The following CYBRD1 variants were observed in gnomAD, a reference collection of about 807,000 sequenced individuals.
CYBRD1 encodes cytochrome b reductase 1.
In CYBRD1, 14 loss-of-function variants were observed where a neutral mutation model predicts 21.9. That is an observed-to-expected ratio of 0.64 (90% CI 0.42 to 1.00). CYBRD1 has a LOEUF of 1.00. CYBRD1 is among the 50% of genes least tolerant of loss of function. The probability of loss-of-function intolerance (pLI) is 0.00; values close to 1 mark genes in which losing one functional copy is unlikely to be tolerated. For missense variants in CYBRD1, 328 were observed against 352.5 expected (o/e 0.93, Z 0.56); for synonymous variants, 146 against 136.5 (o/e 1.07, Z -0.48).
Position 171,557,263 on chromosome 2 carries a change from A to G in CYBRD1, c.*2436A>G, listed in dbSNP as rs182091974. The G allele has an allele frequency of 3.3e-3, 504 of 152,322 alleles. 6 individuals are homozygous for G. The highest frequency in any genetic ancestry group is 0.011 in the African/African-American group (476 of 41,566). 9.4% of individuals were successfully genotyped at this position (152,322 alleles called of 1,614,324 possible). ...TACCTAAGCATCTCCCGAGAAAAAT[A>G]TCTCATTAAAAAGCCCATAAATAAT... On this transcript the variant is annotated 3_prime_UTR_variant, in exon 4 of 4. Coordinates refer to ENST00000321348, the MANE Select transcript of CYBRD1 (RefSeq NM_024843.4).
At chr2:171,540,147 C>A (rs1434485107) in intron 1 of CYBRD1, among the ~76,000 whole-genome samples, 1 of 152,198 alleles carries the variant, frequency 6.6e-6, no homozygotes, top group Non-Finnish European at 1.5e-5. Context: ...TCTTCAAAAT[C>A]CCTTGTGTGT....
intron 2 of CYBRD1, among the ~76,000 whole-genome samples, chr2:171,552,823 T>A (rs946331213): frequency 6.6e-6 from 1 of 152,242 alleles, no homozygotes; most frequent in Non-Finnish European, 1.5e-5. Context: ...CATAGCTTTT[T>A]AGGTTGAACT....
intron 2 of CYBRD1, among the ~76,000 whole-genome samples, chr2:171,552,721 A>G (rs1683400045): frequency 6.6e-6 from 1 of 152,256 alleles, no homozygotes; most frequent in Non-Finnish European, 1.5e-5. Context: ...GCAAAGAGGT[A>G]TCCCACTAGC....
chr2:171,525,458 C>T (rs1266704116), intron 1 of CYBRD1, among the ~76,000 whole-genome samples: 1 of 152,148 alleles, frequency 6.6e-6, no homozygotes, highest in Non-Finnish European at 1.5e-5. Flanking sequence ...CATTCCTCAC[C>T]CTAAGTATTA....
intron 1 of CYBRD1, among the ~76,000 whole-genome samples, chr2:171,531,769 C>T (rs561350958): frequency 2.0e-5 from 3 of 152,268 alleles, no homozygotes; most frequent in Admixed American, 2.0e-4. Context: ...AAAGCCAGTA[C>T]TCTTTCTAAC....
chr2:171,534,190 A>G (rs1388427669), intron 1 of CYBRD1, among the ~76,000 whole-genome samples: 1 of 152,144 alleles, frequency 6.6e-6, no homozygotes, highest in Non-Finnish European at 1.5e-5. Context: ...TTTCTCATCT[A>G]TAATGTTTGT....
chr2:171,547,213 C>T (rs932861541), intron 2 of CYBRD1, among the ~76,000 whole-genome samples: 1 of 151,986 alleles, frequency 6.6e-6, no homozygotes, highest in African/African-American at 2.4e-5. Context: ...AAAATAAAGT[C>T]TGAAAACTGA....
chr2:171,545,948 T>C (rs189047283), intron 2 of CYBRD1, among the ~76,000 whole-genome samples: 1 of 152,340 alleles, frequency 6.6e-6, no homozygotes, highest in East Asian at 1.9e-4. Context: ...TAGTCAATTA[T>C]ATAAATATAT....
intron 1 of CYBRD1, among the ~76,000 whole-genome samples, chr2:171,535,321 T>A (rs894436729): frequency 6.6e-6 from 1 of 152,350 alleles, no homozygotes; most frequent in Admixed American, 6.5e-5. Flanking sequence ...TGGTGTTTGA[T>A]TGATGACCCC....
chr2:171,545,013 C>T (rs1037345781), intron 2 of CYBRD1, among the ~76,000 whole-genome samples: 2 of 151,844 alleles, frequency 1.3e-5, no homozygotes, highest in African/African-American at 4.8e-5. Context: ...GTGGTGCACA[C>T]CTGTGGTCCC....
intron 1 of CYBRD1, among the ~76,000 whole-genome samples, chr2:171,531,480 C>G (rs536672772): frequency 2.0e-5 from 3 of 152,130 alleles, no homozygotes; most frequent in South Asian, 2.1e-4. Context: ...CAGGGTCTTG[C>G]TCTGTCAGCC....
At chr2:171,525,787 C>A (rs74969455) in intron 1 of CYBRD1, among the ~76,000 whole-genome samples, 2,835 of 152,024 alleles carry the variant, frequency 0.019, 38 homozygotes, top group Non-Finnish European at 0.029. Flanking sequence ...AAGTATGAGT[C>A]CTTTGAAACA....
intron 1 of CYBRD1, among the ~76,000 whole-genome samples, chr2:171,528,431 G>A (rs1272658281): frequency 6.6e-6 from 1 of 151,916 alleles, no homozygotes; most frequent in Non-Finnish European, 1.5e-5. Flanking sequence ...TGGTAAGTTG[G>A]GTGGCTTCCA....
chr2:171,523,244 G>A (rs1483886521), intron 1 of CYBRD1: 1 of 427,200 alleles, frequency 2.3e-6, no homozygotes, highest in Non-Finnish European at 4.8e-6. Flanking sequence ...CAGATGAGGA[G>A]GGGAAGGCAG....
rs116316716 is a variant in CYBRD1, at chr2:171,539,345, G to C, written c.194-2240G>C. Among the ~76,000 whole-genome samples, 1,358 of 152,160 alleles carry C rather than the reference G, an allele frequency of 8.9e-3. 20 individuals are homozygous for C. Among genetic ancestry groups the C allele is most frequent in the African/African-American group, 0.027 (1,139 of 41,512 alleles). On this transcript the variant is annotated intron_variant, in intron 1 of 3. Transcript: ENST00000321348. ...CTAAAAATAGAAAAAATAGCAGCGT[G>C]TGGTGGTGCATGCCTGCAGCCCCAG...
chr2:171,545,643 C>T (rs1371154565), intron 2 of CYBRD1, among the ~76,000 whole-genome samples: 1 of 151,558 alleles, frequency 6.6e-6, no homozygotes, highest in Non-Finnish European at 1.5e-5. Context: ...CCCGCCTCGG[C>T]CTCCCAAAGT....
At chr2:171,531,411 C>T (rs551550925) in intron 1 of CYBRD1, among the ~76,000 whole-genome samples, 25 of 152,210 alleles carry the variant, frequency 1.6e-4, no homozygotes, top group Non-Finnish European at 2.6e-4. Context: ...AAGCTGTTCC[C>T]ATTTAATTTG....
chr2:171,548,610 GT>G (rs995933642), intron 2 of CYBRD1, among the ~76,000 whole-genome samples: 1 of 123,506 alleles, frequency 8.1e-6, no homozygotes, highest in African/African-American at 3.1e-5. Context: ...ATAATCTACA[GT>G]TTACTTGAAA....
At position 171,522,955 on chromosome 2, in the gene CYBRD1, C is replaced by T. The variant is rs1244659934; in HGVS notation, c.193+217C>T. 1.8e-5 allele frequency: 12 copies of T among 674,974 alleles called. No homozygotes were observed. The highest frequency in any genetic ancestry group is 7.0e-5 in the Admixed American group (2 of 28,776). The allele number at this position is 674,974 out of a possible 1,614,324, so 41.8% of individuals were successfully genotyped here. On this transcript the variant is annotated intron_variant, in intron 1 of 3. Transcript: ENST00000321348. This position sits in a 1 kb window ranked among gnomAD's most constrained non-coding sequence, Gnocchi z 4.3. The stretch of plus-strand genomic sequence containing the variant: ...GAGCTGCGGTTCAGGAGGATCGCCG[C>T]GAGCGCGGGGCCGGGGGTGCGCGGT...
Sources: allele counts gnomAD v4.1 joint callset (sites outside exome capture counted in the v4.1 genomes callset), GRCh38; gene constraint gnomAD v4.1.1; non-coding constraint Gnocchi (gnomAD v3.1); transcripts MANE v1.5; gene names NCBI Gene and HGNC (gene_info 2026-07-23, HGNC 2026-07-21).